FARS2: variants seen among roughly 807,000 people sequenced by gnomAD.
The protein encoded by FARS2 is phenylalanyl-tRNA synthetase 2, mitochondrial.
Under a neutral mutation model 46.4 loss-of-function variants are expected in FARS2, and 40 were observed. The observed-to-expected ratio is 0.86, with a 90% CI of 0.67 to 1.12. FARS2 has a LOEUF of 1.12. Ranked by LOEUF, FARS2 falls within the 50% of genes most tolerant of loss-of-function variation. FARS2 has a pLI of 0.00. For missense variants in FARS2, 513 were observed against 567.9 expected (o/e 0.90, Z 0.98); for synonymous variants, 234 against 214.9 (o/e 1.09, Z -0.78).
intron 3 of FARS2, among the ~76,000 whole-genome samples, chr6:5,405,212 T>C (rs62385371): frequency 0.16 from 23,879 of 152,198 alleles, 2,549 homozygotes; most frequent in East Asian, 0.46. Context: ...TAATTTGATA[T>C]AATATTTTAA....
At chr6:5,528,202 TA>T (rs929658940) in intron 4 of FARS2, among the ~76,000 whole-genome samples, 68 of 149,092 alleles carry the variant, frequency 4.6e-4, no homozygotes, top group Non-Finnish European at 9.0e-4. Context: ...AATTTGTATT[TA>T]AAAAAAAAAG....
chr6:5,331,188 A>G (rs1770777744), intron 1 of FARS2, among the ~76,000 whole-genome samples: 1 of 150,800 alleles, frequency 6.6e-6, no homozygotes, highest in Non-Finnish European at 1.5e-5. Flanking sequence ...TATTTTACTT[A>G]GATGGGCTTT....
At chr6:5,688,742 T>C (rs1055484322) in intron 6 of FARS2, among the ~76,000 whole-genome samples, 42 of 152,190 alleles carry the variant, frequency 2.8e-4, no homozygotes, top group African/African-American at 9.7e-4. Flanking sequence ...GATTCCCCCT[T>C]TTTCTATTGA....
intron 2 of FARS2, among the ~76,000 whole-genome samples, chr6:5,371,553 G>A (rs1475941448): frequency 1.3e-5 from 2 of 152,000 alleles, no homozygotes; most frequent in African/African-American, 4.8e-5. Context: ...TTTGTATTTT[G>A]AAAAATAGTA....
rs150129665 is a variant in FARS2, at chr6:5,343,684, C to A, written c.-21-24866C>A. ...TTTATCACCTTTAACAGGAATGTGT[C>A]GTGACTGAAAGTGGAGGATGAGCTG... On this transcript the variant is annotated intron_variant, in intron 1 of 6. Transcript: ENST00000274680. The surrounding 1 kb of genome is among the most constrained non-coding windows in gnomAD (Gnocchi z 4.5). Among the ~76,000 whole-genome samples, 24 of 152,260 alleles carry A rather than the reference C, an allele frequency of 1.6e-4. No individual in the cohort carries two copies. The highest frequency in any genetic ancestry group is 9.8e-4 in the Admixed American group (15 of 15,300).
At position 5,404,657 on chromosome 6, in the gene FARS2, T is replaced by C; in HGVS notation, c.728T>C (p.Leu243Pro). 1.2e-6 allele frequency: 2 copies of C among 1,609,564 alleles called. No homozygotes were observed. Among genetic ancestry groups the C allele is most frequent in the Non-Finnish European group, 1.7e-6 (2 of 1,177,524 alleles). The part of the protein sequence containing the change: ...MEAVKLVEFD[L>P]KQTLTRLMAH... ...GCCGTGAAGCTTGTAGAGTTTGATC[T>C]TAAGCAAACGCTTACCAGGCTCATG... The change falls in exon 3 of 7, where the codon CTT becomes CCT. Residue 243 changes from leucine to proline, a missense_variant. By Grantham distance (98) the Leu-to-Pro change is moderately conservative (BLOSUM62 -3). Transcript: ENST00000274680.
intron 1 of FARS2, among the ~76,000 whole-genome samples, chr6:5,340,102 T>C (rs1771449745): frequency 6.6e-6 from 1 of 152,226 alleles, no homozygotes; most frequent in African/African-American, 2.4e-5. Context: ...TGAGTTCTTA[T>C]TAGGTGCCTT....
chr6:5,659,328 GAT>G (rs201083576), intron 6 of FARS2, among the ~76,000 whole-genome samples: 276 of 152,252 alleles, frequency 1.8e-3, no homozygotes, highest in African/African-American at 6.3e-3. Flanking sequence ...TCTAGACTTT[GAT>G]TCGTTCTGTA....
At chr6:5,645,945 CAT>C (rs1777054420) in intron 6 of FARS2, among the ~76,000 whole-genome samples, 1 of 152,146 alleles carries the variant, frequency 6.6e-6, no homozygotes, top group Admixed American at 6.5e-5. Flanking sequence ...GGCATTTTTA[CAT>C]GTTTTTTACT....
chr6:5,521,398 C>T (rs900927233), intron 4 of FARS2, among the ~76,000 whole-genome samples: 5 of 151,260 alleles, frequency 3.3e-5, no homozygotes, highest in African/African-American at 7.3e-5. Flanking sequence ...ATGAGGATAG[C>T]CCCTAAAGCT....
chr6:5,428,458 C>A (rs1403093100), intron 3 of FARS2, among the ~76,000 whole-genome samples: 2 of 152,118 alleles, frequency 1.3e-5, no homozygotes, highest in African/African-American at 2.4e-5. Flanking sequence ...CCTGTTCCTG[C>A]TTTTGGTAAA....
intron 4 of FARS2, among the ~76,000 whole-genome samples, chr6:5,459,301 C>G (rs1023920114): frequency 6.6e-6 from 1 of 152,258 alleles, no homozygotes; most frequent in Non-Finnish European, 1.5e-5. Flanking sequence ...TTTCACAACT[C>G]TTTTGGACAG....
intron 2 of FARS2, among the ~76,000 whole-genome samples, chr6:5,404,071 G>T (rs78876746): frequency 0.021 from 3,170 of 152,262 alleles, 57 homozygotes; most frequent in South Asian, 0.068. Flanking sequence ...ATAGTAAGCG[G>T]CAGAAACATG....
At chr6:5,327,423 C>T (rs1012334666) in intron 1 of FARS2, among the ~76,000 whole-genome samples, 6 of 152,132 alleles carry the variant, frequency 3.9e-5, no homozygotes, top group African/African-American at 1.4e-4. Flanking sequence ...CCCCACGTGT[C>T]ATGGGAGGGA....
At chr6:5,327,461 G>A (rs1440122238) in intron 1 of FARS2, among the ~76,000 whole-genome samples, 4 of 152,070 alleles carry the variant, frequency 2.6e-5, no homozygotes, top group Admixed American at 2.6e-4. Context: ...GAATAATGAG[G>A]GCAGGTTTTT....
chr6:5,567,258 A>G (rs1274191764), intron 5 of FARS2, among the ~76,000 whole-genome samples: 1 of 152,196 alleles, frequency 6.6e-6, no homozygotes, highest in Non-Finnish European at 1.5e-5. Context: ...TTCTCTAATG[A>G]CTAGTGATGT....
rs74403737 is a variant in FARS2 at position 5,439,789 on chromosome 6, A to G, written c.904+8617A>G. ...ACATTTTTGAGGCCAGTTAGTTGAG[A>G]TTGTCTAAGATCTGTGAAACTCTGG... On this transcript the variant is annotated intron_variant, in intron 4 of 6. Transcript: ENST00000274680. Among the ~76,000 whole-genome samples the G allele has an allele frequency of 2.3e-3, 350 of 152,258 alleles. 1 individual carries two copies. Among genetic ancestry groups the G allele is most frequent in the African/African-American group, 7.8e-3 (325 of 41,530 alleles).
chr6:5,425,706 G>C (rs1285792833), intron 3 of FARS2, among the ~76,000 whole-genome samples: 1 of 152,194 alleles, frequency 6.6e-6, no homozygotes, highest in Non-Finnish European at 1.5e-5. Flanking sequence ...TCATGTCACT[G>C]TCCTGGAGGT....
chr6:5,465,952 A>C (rs1192465170), intron 4 of FARS2, among the ~76,000 whole-genome samples: 1 of 152,108 alleles, frequency 6.6e-6, no homozygotes, highest in Non-Finnish European at 1.5e-5. Context: ...CTGTAGGAGA[A>C]TCAATTTTAT....
Sources: allele counts gnomAD v4.1 joint callset (sites outside exome capture counted in the v4.1 genomes callset), GRCh38; gene constraint gnomAD v4.1.1; non-coding constraint Gnocchi (gnomAD v3.1); transcripts MANE v1.5; gene names NCBI Gene and HGNC (gene_info 2026-07-23, HGNC 2026-07-21).